Variants in ROCK2 observed in about 807,000 individuals in gnomAD.
ROCK2 encodes the protein rho-associated protein kinase 2.
ROCK2 carries 61 observed loss-of-function variants against 195.1 expected under a neutral mutation model. The ratio of observed to expected loss-of-function variants is 0.31; its 90% CI spans 0.25 to 0.39. ROCK2 has a LOEUF of 0.39. Among genes scored for constraint, ROCK2 ranks in the 10% least tolerant of loss-of-function variants. The pLI, the probability that ROCK2 is intolerant of heterozygous loss-of-function variation, is 1.00. For synonymous variants in ROCK2, 504 were observed against 545.5 expected (o/e 0.92, Z 1.06); for missense variants, 1,109 against 1,637.4 (o/e 0.68, Z 5.57).
At chr2:11,267,494 C>T (rs980832332) in intron 3 of ROCK2, among the ~76,000 whole-genome samples, 1 of 151,542 alleles carries the variant, frequency 6.6e-6, no homozygotes, top group African/African-American at 2.4e-5. Context: ...CAAAGCTTCA[C>T]CATTTTCACA....
At chr2:11,247,465 T>C (rs1292293992) in intron 4 of ROCK2, among the ~76,000 whole-genome samples, 1 of 152,238 alleles carries the variant, frequency 6.6e-6, no homozygotes, top group Non-Finnish European at 1.5e-5. Context: ...GCCACAATTA[T>C]AATCGGATTT....
rs1669224160 is a variant in ROCK2 at position 11,344,514 on chromosome 2, GAGGCTGAAGC to G, written c.-388_-379del. Reference sequence around the variant, plus strand: ...ACCGCCCCGCCCTCTGGGGCCCCGGGAGGCTGAAGCCCAGGCCTGGGCCACTACGGCCGCC... The same window carrying G: ...ACCGCCCCGCCCTCTGGGGCCCCGGGCCAGGCCTGGGCCACTACGGCCGCC... On this transcript the variant is annotated 5_prime_UTR_variant, in exon 1 of 33. Transcript: ENST00000315872. This position sits in a 1 kb window ranked among gnomAD's most constrained non-coding sequence, Gnocchi z 5.4. The G allele has an allele frequency of 1.0e-6, 1 of 986,698 alleles. No homozygotes were observed. The highest frequency in any genetic ancestry group is 1.8e-5 in the African/African-American group (1 of 56,940). 61.1% of individuals were successfully genotyped at this position (986,698 alleles called of 1,614,324 possible).
At chr2:11,293,054 G>GAAC (rs1035593747) in intron 1 of ROCK2, among the ~76,000 whole-genome samples, 1 of 152,168 alleles carries the variant, frequency 6.6e-6, no homozygotes, top group African/African-American at 2.4e-5. Context: ...ACAGCCTAGG[G>GAAC]AACTGTGAGT....
intron 12 of ROCK2, among the ~76,000 whole-genome samples, chr2:11,216,689 A>C (rs1664441746): frequency 6.7e-6 from 1 of 150,108 alleles, no homozygotes; most frequent in African/African-American, 2.5e-5. Context: ...GAGCCACTGC[A>C]CCAGGCCATA....
intron 32 of ROCK2, among the ~76,000 whole-genome samples, chr2:11,189,489 C>A (rs921296312): frequency 6.6e-6 from 1 of 152,190 alleles, no homozygotes; most frequent in African/African-American, 2.4e-5. Flanking sequence ...TCTTCTAATA[C>A]ATCTTCCAAG....
chr2:11,200,440 G>C (rs1663810033), intron 23 of ROCK2, among the ~76,000 whole-genome samples: 2 of 152,084 alleles, frequency 1.3e-5, no homozygotes, highest in African/African-American at 2.4e-5. Context: ...CCAGTGATTT[G>C]TGTACTGCCA....
chr2:11,271,556 T>G (rs1666629919), intron 3 of ROCK2, among the ~76,000 whole-genome samples: 1 of 152,190 alleles, frequency 6.6e-6, no homozygotes. Context: ...GGAAGCACTG[T>G]TGGTTTTTCA....
intron 11 of ROCK2, 81 bp downstream of exon 11, chr2:11,218,374 G>T: frequency 2.9e-6 from 3 of 1,051,474 alleles, no homozygotes; most frequent in Non-Finnish European, 2.8e-6. Context: ...CAAATGCTAG[G>T]TAGGATATGA....
Position 11,197,829 on chromosome 2 carries a change from C to T in ROCK2, c.3100-124G>A, listed in dbSNP as rs1432392438. 1 of 513,080 alleles carries T rather than the reference C, an allele frequency of 1.9e-6. No individual in the cohort carries two copies. Among genetic ancestry groups the T allele is most frequent in the Non-Finnish European group, 3.1e-6 (1 of 326,838 alleles). The allele number at this position is 513,080 out of a possible 1,614,324, so 31.8% of individuals were successfully genotyped here. ...ATACTCTCCTTCCCTACATACAGGG[C>T]TACAAAGAAACACTTTCTATAATAT... On this transcript the variant is annotated intron_variant, in intron 25 of 32. Coordinates refer to ENST00000315872, the MANE Select transcript of ROCK2 (RefSeq NM_004850.5). The surrounding 1 kb of genome is among the most constrained non-coding windows in gnomAD (Gnocchi z 4.9).
intron 25 of ROCK2, 99 bp downstream of exon 25, chr2:11,198,392 C>T (rs960042677): frequency 1.5e-5 from 12 of 797,972 alleles, no homozygotes; most frequent in Admixed American, 9.9e-5. Flanking sequence ...TTGGTACATT[C>T]GATGACTACT....
chr2:11,305,433 C>T (rs1667825894), intron 1 of ROCK2, among the ~76,000 whole-genome samples: 1 of 122,900 alleles, frequency 8.1e-6, no homozygotes, highest in Admixed American at 9.2e-5. Context: ...AGATAAATGT[C>T]TGTGTGGGTG....
chr2:11,282,114 G>A (rs1667025555), intron 3 of ROCK2, among the ~76,000 whole-genome samples: 1 of 152,104 alleles, frequency 6.6e-6, no homozygotes. Context: ...ACTTTGGAAA[G>A]CCAAGGCAGG....
At chr2:11,263,272 G>C in intron 3 of ROCK2, among the ~76,000 whole-genome samples, 1 of 152,166 alleles carries the variant, frequency 6.6e-6, no homozygotes, top group East Asian at 1.9e-4. Context: ...GATCAGGAAG[G>C]ATCACAGTCA....
Position 11,249,649 on chromosome 2 carries a change from T to C in ROCK2, c.462+12A>G. 1 of 1,463,244 alleles carries C rather than the reference T, an allele frequency of 6.8e-7. No homozygotes were observed. The highest frequency in any genetic ancestry group is 9.0e-7 in the Non-Finnish European group (1 of 1,109,378). 90.6% of individuals were successfully genotyped at this position (1,463,244 alleles called of 1,614,324 possible). On this transcript the variant is annotated intron_variant, in intron 4 of 32. Transcript: ENST00000315872. ...AAAAAGGAAATAAACTTATAAAAGT[T>C]AGTATGCTTACCTGAACCACCCAGG...
chr2:11,330,867 G>A (rs1423599025), intron 1 of ROCK2, among the ~76,000 whole-genome samples: 4 of 32,138 alleles, frequency 1.2e-4, no homozygotes, highest in African/African-American at 5.1e-4. Flanking sequence ...AGAGGGAGGA[G>A]GAGGGAGGAA....
chr2:11,205,197 G>A (rs1464665264), intron 20 of ROCK2, among the ~76,000 whole-genome samples: 1 of 152,168 alleles, frequency 6.6e-6, no homozygotes, highest in African/African-American at 2.4e-5. Context: ...CCTTAGTGGT[G>A]GGAGGTGCCT....
intron 1 of ROCK2, among the ~76,000 whole-genome samples, chr2:11,302,496 A>C (rs1007429652): frequency 1.3e-5 from 2 of 152,112 alleles, no homozygotes; most frequent in Admixed American, 1.3e-4. Flanking sequence ...TAGAAAATCA[A>C]GTCTAAACTA....
chr2:11,203,103 G>A (rs997058817), intron 20 of ROCK2, among the ~76,000 whole-genome samples: 137 of 152,142 alleles, frequency 9.0e-4, no homozygotes, highest in Non-Finnish European at 3.7e-4. Flanking sequence ...TCTGTATTAT[G>A]TTAATCTTCA....
chr2:11,208,232 A>C, intron 19 of ROCK2, 55 bp downstream of exon 19: 3 of 835,444 alleles, frequency 3.6e-6, no homozygotes, highest in Non-Finnish European at 4.8e-6. Flanking sequence ...ACCTTCATGA[A>C]TAAACCTATT....
Sources: allele counts gnomAD v4.1 joint callset (sites outside exome capture counted in the v4.1 genomes callset), GRCh38; gene constraint gnomAD v4.1.1; non-coding constraint Gnocchi (gnomAD v3.1); transcripts MANE v1.5; gene names NCBI Gene and HGNC (gene_info 2026-07-23, HGNC 2026-07-21).